PNMA6F: variants seen among roughly 807,000 people sequenced by gnomAD.
PNMA6F encodes the protein PNMA family member 6F.
For missense variants in PNMA6F, 57 were observed against 10.8 expected, an observed-to-expected ratio of 5.25 and a Z score of -5.98; for synonymous variants, 14 against 3.4, an observed-to-expected ratio of 4.15 and a Z score of -3.45.
chrX:153,321,601 T>C lies in PNMA6F; in HGVS notation c.-133A>G, dbSNP rs2088369866. The C allele has an allele frequency of 9.4e-6, 1 of 106,659 alleles. No homozygotes were observed. The highest frequency in any genetic ancestry group is 9.9e-5 in the Admixed American group (1 of 10,053). The allele number at this position is 106,659 out of a possible 1,213,427, so 8.8% of individuals were successfully genotyped here. ...GACCACCCGCGGAAAAACGCCGCCTTCAAGCTGTGGAGCCCACTCTGGAGG... is the reference window on the plus strand; with the variant it reads ...GACCACCCGCGGAAAAACGCCGCCTCCAAGCTGTGGAGCCCACTCTGGAGG... On this transcript the variant is annotated 5_prime_UTR_variant, in exon 1 of 2. Transcript: ENST00000436629.
At position 153,320,712 on chromosome X, in the gene PNMA6F, T is replaced by C. The variant is rs6526179; in HGVS notation, c.-38A>G. On this transcript the variant is annotated 5_prime_UTR_variant, in exon 2 of 2. Coordinates refer to ENST00000436629, the MANE Select transcript of PNMA6F (RefSeq NM_001354980.2). ...CGCAGAGGACTTGAGGGAGGGAGCC[T>C]GATCAGACAGGAATGTGTGCTGACT... 206 of 295,780 alleles carry C rather than the reference T, an allele frequency of 7.0e-4. 1 individual carries two copies. The highest frequency in any genetic ancestry group is 5.4e-3 in the African/African-American group (196 of 36,366). The allele number at this position is 295,780 out of a possible 1,213,427, so 24.4% of individuals were successfully genotyped here. A position where few individuals can be genotyped will look rare whatever the true frequency, so the allele number is the denominator to read the frequency against.
Position 153,318,017 on chromosome X carries a change from A to G in PNMA6F, c.*921T>C, listed in dbSNP as rs1174424871. ...CTATAGCCCTCACAGGACACTGAAAACACAGCAGGGAACACCCCCCCAAGT... is the reference window on the plus strand; with the variant it reads ...CTATAGCCCTCACAGGACACTGAAAGCACAGCAGGGAACACCCCCCCAAGT... On this transcript the variant is annotated 3_prime_UTR_variant, in exon 2 of 2. Coordinates refer to ENST00000436629, the MANE Select transcript of PNMA6F (RefSeq NM_001354980.2). 1 of 116,709 alleles carries G rather than the reference A, an allele frequency of 8.6e-6. No individual in the cohort carries two copies. Among genetic ancestry groups the G allele is most frequent in the Non-Finnish European group, 1.9e-5 (1 of 52,985 alleles). 9.6% of individuals were successfully genotyped at this position (116,709 alleles called of 1,213,427 possible). A position where few individuals can be genotyped will look rare whatever the true frequency, so the allele number is the denominator to read the frequency against.
In PNMA6F at chrX:153,318,115, A is replaced by G. The variant is rs1336679990; in HGVS notation, c.*823T>C. ...CAAAGCTCCCCGGGGAGCCTCAGGC[A>G]GGGCAGCTCTGCTCTGTCCCAGGTC... On this transcript the variant is annotated 3_prime_UTR_variant, in exon 2 of 2. Transcript: ENST00000436629. 1 of 116,913 alleles carries G rather than the reference A, an allele frequency of 8.6e-6. No individual in the cohort carries two copies. The highest frequency in any genetic ancestry group is 1.9e-5 in the Non-Finnish European group (1 of 53,080). 9.6% of individuals were successfully genotyped at this position (116,913 alleles called of 1,213,427 possible).
At chrX:153,321,484 G>A (rs1041757476) in intron 1 of PNMA6F, 68 bp downstream of exon 1, 2 of 99,143 alleles carry the variant, frequency 2.0e-5, no homozygotes, top group African/African-American at 7.5e-5. Flanking sequence ...GCCCACTGCG[G>A]AGGCAGCGAT....
rs1225461669 is a variant in PNMA6F at position 153,319,625 on chromosome X, G to C, written c.1050C>G (p.Pro350=). The change falls in exon 2 of 2, where the codon CCC becomes CCG. Residue 350 remains proline, a synonymous_variant. Coordinates refer to ENST00000436629, the MANE Select transcript of PNMA6F (RefSeq NM_001354980.2). Reference sequence around the variant, plus strand: ...CCACGAAGGCAAACAGCCCCTCCTGGGGCCCCTGCGTGCAGGTCAGGAACT... The same window carrying C: ...CCACGAAGGCAAACAGCCCCTCCTGCGGCCCCTGCGTGCAGGTCAGGAACT... The part of the protein sequence containing the change: ...RMKFLTCTQG[P]QEGLFAFVVR... 6.7e-6 allele frequency: 2 copies of C among 297,136 alleles called. No homozygotes were observed. Among genetic ancestry groups the C allele is most frequent in the Admixed American group, 1.2e-4 (2 of 16,491 alleles). The allele number at this position is 297,136 out of a possible 1,213,427, so 24.5% of individuals were successfully genotyped here.
rs1298060065 is a variant in PNMA6F, at chrX:153,320,259, C to T, written c.416G>A (p.Arg139Lys). 3.7e-5 allele frequency: 12 copies of T among 328,520 alleles called. No individual in the cohort carries two copies. The highest frequency in any genetic ancestry group is 5.7e-5 in the Non-Finnish European group (11 of 191,656). 27.1% of individuals were successfully genotyped at this position (328,520 alleles called of 1,213,427 possible). A position where few individuals can be genotyped will look rare whatever the true frequency, so the allele number is the denominator to read the frequency against. ...VGEAGGVNEE[R>K]SAGEDEAGGI... is the part of the protein sequence containing the mutation. ...TCCTGCCTCATCTTCACCTGCAGATCTTTCCTCATTCACACCTCCTGCCTC... is the reference window on the plus strand; with the variant it reads ...TCCTGCCTCATCTTCACCTGCAGATTTTTCCTCATTCACACCTCCTGCCTC... Residue 139 changes from arginine to lysine, a missense_variant, in exon 2 of 2, where the codon AGA becomes AAA. Arg to Lys is a conservative substitution (Grantham distance 26). Coordinates refer to ENST00000436629, the MANE Select transcript of PNMA6F (RefSeq NM_001354980.2).
rs1222060844 is a variant in PNMA6F at position 153,318,626 on chromosome X, CTT to C, written c.*310_*311del. 2.2e-5 allele frequency: 4 copies of C among 182,339 alleles called. No individual in the cohort carries two copies. Among genetic ancestry groups the C allele is most frequent in the African/African-American group, 1.2e-4 (4 of 33,868 alleles). 15.0% of individuals were successfully genotyped at this position (182,339 alleles called of 1,213,427 possible). ...CAGGGATGGCAAGTGGGGGCCACCT[CTT>C]GGGACATGTAGGCAGCTGTCACCCT... On this transcript the variant is annotated 3_prime_UTR_variant, in exon 2 of 2. Coordinates refer to ENST00000436629, the MANE Select transcript of PNMA6F (RefSeq NM_001354980.2).
In PNMA6F at chrX:153,318,884, T is replaced by C. The variant is rs1227494087; in HGVS notation, c.*54A>G. 6.7e-6 allele frequency: 2 copies of C among 298,264 alleles called. No homozygotes were observed. Among genetic ancestry groups the C allele is most frequent in the African/African-American group, 5.4e-5 (2 of 37,016 alleles). The allele number at this position is 298,264 out of a possible 1,213,427, so 24.6% of individuals were successfully genotyped here. A position where few individuals can be genotyped will look rare whatever the true frequency, so the allele number is the denominator to read the frequency against. On this transcript the variant is annotated 3_prime_UTR_variant, in exon 2 of 2. Coordinates refer to ENST00000436629, the MANE Select transcript of PNMA6F (RefSeq NM_001354980.2). ...GACCGGCCCTGGCCTGGCCTCTGTCTGCCTCCAGGGTGCTGCTGCCTGAGA... is the reference window on the plus strand; with the variant it reads ...GACCGGCCCTGGCCTGGCCTCTGTCCGCCTCCAGGGTGCTGCTGCCTGAGA...
Position 153,318,037 on chromosome X carries a change from C to T in PNMA6F, c.*901G>A, listed in dbSNP as rs782239801. ...TGAAAACACAGCAGGGAACACCCCC[C>T]CAAGTCAAGGAAACTGAGTCACAAG... On this transcript the variant is annotated 3_prime_UTR_variant, in exon 2 of 2. Transcript: ENST00000436629. 1 of 116,989 alleles carries T rather than the reference C, an allele frequency of 8.5e-6. No homozygotes were observed. The highest frequency in any genetic ancestry group is 1.9e-5 in the Non-Finnish European group (1 of 53,164). The allele number at this position is 116,989 out of a possible 1,213,427, so 9.6% of individuals were successfully genotyped here.
chrX:153,318,200 C>T lies in PNMA6F; in HGVS notation c.*738G>A, dbSNP rs2051968845. On this transcript the variant is annotated 3_prime_UTR_variant, in exon 2 of 2. Transcript: ENST00000436629. ...GGTCACGGGCACCATCGTGGTCATG[C>T]TCACCATAGCAGTCACAGGATGAGC... is the stretch of plus-strand genomic sequence containing the variant. 1.7e-5 allele frequency: 2 copies of T among 118,324 alleles called. No individual in the cohort carries two copies. Among genetic ancestry groups the T allele is most frequent in the Non-Finnish European group, 3.8e-5 (2 of 53,202 alleles). The allele number at this position is 118,324 out of a possible 1,213,427, so 9.8% of individuals were successfully genotyped here.
chrX:153,318,193 G>T lies in PNMA6F; in HGVS notation c.*745C>A. The T allele has an allele frequency of 8.4e-6, 1 of 119,506 alleles. No homozygotes were observed. The allele number at this position is 119,506 out of a possible 1,213,427, so 9.8% of individuals were successfully genotyped here. ...CCATCATGGTCACGGGCACCATCGT[G>T]GTCATGCTCACCATAGCAGTCACAG... On this transcript the variant is annotated 3_prime_UTR_variant, in exon 2 of 2. Coordinates refer to ENST00000436629, the MANE Select transcript of PNMA6F (RefSeq NM_001354980.2).
Position 153,320,068 on chromosome X carries a change from C to T in PNMA6F, c.607G>A (p.Ala203Thr), listed in dbSNP as rs2051985749. ...EEGGTGEEGG[A>T]GEAGGAGEEG... ...TCACCTGCGCCTCCTGCCTCACCTG[C>T]ACCTCCTTCCTCACCTGTACCTCCT... The change falls in exon 2 of 2, where the codon GCA becomes ACA. Residue 203 changes from alanine to threonine, a missense_variant. Coordinates refer to ENST00000436629, the MANE Select transcript of PNMA6F (RefSeq NM_001354980.2). 2.8e-6 allele frequency: 1 copy of T among 362,976 alleles called. No homozygotes were observed. The highest frequency in any genetic ancestry group is 4.7e-6 in the Non-Finnish European group (1 of 213,369). 29.9% of individuals were successfully genotyped at this position (362,976 alleles called of 1,213,427 possible). A position where few individuals can be genotyped will look rare whatever the true frequency, so the allele number is the denominator to read the frequency against.
At position 153,320,040 on chromosome X, in the gene PNMA6F, T is replaced by TCCTCACCTGCGCCTCCTG. The variant is rs1271997806; in HGVS notation, c.617_634dup (p.Ala206_Glu211dup). ...AGCTCCTGCCTCATCTTCACCTCCTTCCTCACCTGCGCCTCCTGCCTCACC... is the reference window on the plus strand; with the variant it reads ...AGCTCCTGCCTCATCTTCACCTCCTTCCTCACCTGCGCCTCCTGCCTCACCTGCGCCTCCTGCCTCACC... On this transcript the variant is annotated inframe_insertion, in exon 2 of 2. Coordinates refer to ENST00000436629, the MANE Select transcript of PNMA6F (RefSeq NM_001354980.2). The TCCTCACCTGCGCCTCCTG allele has an allele frequency of 1.5e-5, 5 of 338,632 alleles. No homozygotes were observed. Among genetic ancestry groups the TCCTCACCTGCGCCTCCTG allele is most frequent in the Non-Finnish European group, 2.5e-5 (5 of 201,100 alleles). 27.9% of individuals were successfully genotyped at this position (338,632 alleles called of 1,213,427 possible). A position where few individuals can be genotyped will look rare whatever the true frequency, so the allele number is the denominator to read the frequency against.
Position 153,318,004 on chromosome X carries a change from C to G in PNMA6F, c.*934G>C. The G allele has an allele frequency of 8.6e-6, 1 of 116,918 alleles. No homozygotes were observed. Among genetic ancestry groups the G allele is most frequent in the Middle Eastern group, 4.6e-3 (1 of 219 alleles). 9.6% of individuals were successfully genotyped at this position (116,918 alleles called of 1,213,427 possible). On this transcript the variant is annotated 3_prime_UTR_variant, in exon 2 of 2. Coordinates refer to ENST00000436629, the MANE Select transcript of PNMA6F (RefSeq NM_001354980.2). The stretch of plus-strand genomic sequence containing the variant: ...GCAGGGCCCTGCCCTATAGCCCTCA[C>G]AGGACACTGAAAACACAGCAGGGAA...
Position 153,319,065 on chromosome X carries a change from TG to T in PNMA6F, c.1609del (p.Gln537ArgfsTer19). 1 of 307,181 alleles carries T rather than the reference TG, an allele frequency of 3.3e-6. No homozygotes were observed. 25.3% of individuals were successfully genotyped at this position (307,181 alleles called of 1,213,427 possible). A position where few individuals can be genotyped will look rare whatever the true frequency, so the allele number is the denominator to read the frequency against. ...CTCCTCAGCCTCCTGGCCTCCAACC[TG>T]GACAAGGCCCTCTGGCTCCCAGCTG... ...GPSWEPEGLVQVGGQEAEEPP... is the reference protein window; with the variant it reads ...GPSWEPEGLVXVGGQEAEEPP... On this transcript the variant is annotated frameshift_variant, in exon 2 of 2. Transcript: ENST00000436629. LOFTEE classifies it low-confidence loss of function (END_TRUNC).
intron 1 of PNMA6F, 103 bp from the exon 2 acceptor site, chrX:153,320,860 C>T: frequency 3.6e-6 from 1 of 279,724 alleles, no homozygotes; most frequent in Non-Finnish European, 6.2e-6. Context: ...AGCCAGGGAT[C>T]CATTCCCTCC....
In PNMA6F at chrX:153,320,650, T is replaced by C. The variant is rs141650041; in HGVS notation, c.25A>G (p.Met9Val). ...AGAGAGCGCTCTGCGTTCACACCCATCCTCCTGCACCAGTCCTGAAGCATC... is the reference window on the plus strand; with the variant it reads ...AGAGAGCGCTCTGCGTTCACACCCACCCTCCTGCACCAGTCCTGAAGCATC... Reference protein sequence around the residue: MLQDWCRRMGVNAERSLLI... With the variant: MLQDWCRRVGVNAERSLLI... Residue 9 changes from methionine (M) to valine (V), a missense_variant, in exon 2 of 2, where the codon ATG (methionine) becomes GTG (valine). Met to Val is a conservative substitution (Grantham distance 21, BLOSUM62 1). Coordinates refer to ENST00000436629, the MANE Select transcript of PNMA6F (RefSeq NM_001354980.2). 1.8e-3 allele frequency: 524 copies of C among 295,520 alleles called. No homozygotes were observed. The highest frequency in any genetic ancestry group is 2.1e-3 in the Non-Finnish European group (359 of 169,963). The allele number at this position is 295,520 out of a possible 1,213,427, so 24.4% of individuals were successfully genotyped here.
rs1276340747 is a variant in PNMA6F at position 153,320,633 on chromosome X, C to G, written c.42G>C (p.Glu14Asp). Residue 14 changes from glutamate to aspartate, a missense_variant, in exon 2 of 2, where the codon GAG becomes GAC. By Grantham distance (45) the Glu-to-Asp change is conservative (BLOSUM62 2). Coordinates refer to ENST00000436629, the MANE Select transcript of PNMA6F (RefSeq NM_001354980.2). Reference sequence around the variant, plus strand: ...GGATATCCAGGATGAGCAGAGAGCGCTCTGCGTTCACACCCATCCTCCTGC... The same window carrying G: ...GGATATCCAGGATGAGCAGAGAGCGGTCTGCGTTCACACCCATCCTCCTGC... Reference protein sequence around the residue: ...DWCRRMGVNAERSLLILDIPD... With the variant: ...DWCRRMGVNADRSLLILDIPD... 7 of 297,765 alleles carry G rather than the reference C, an allele frequency of 2.4e-5. No individual in the cohort carries two copies. The highest frequency in any genetic ancestry group is 4.1e-5 in the Non-Finnish European group (7 of 170,470). 24.5% of individuals were successfully genotyped at this position (297,765 alleles called of 1,213,427 possible). A position where few individuals can be genotyped will look rare whatever the true frequency, so the allele number is the denominator to read the frequency against.
In PNMA6F at chrX:153,320,117, A is replaced by G. The variant is rs1249185184; in HGVS notation, c.558T>C (p.Gly186=). 2 of 358,931 alleles carry G rather than the reference A, an allele frequency of 5.6e-6. No homozygotes were observed. Among genetic ancestry groups the G allele is most frequent in the Non-Finnish European group, 9.4e-6 (2 of 211,957 alleles). 29.6% of individuals were successfully genotyped at this position (358,931 alleles called of 1,213,427 possible). A position where few individuals can be genotyped will look rare whatever the true frequency, so the allele number is the denominator to read the frequency against. ...AGGAGEAGGA[G]EAGGAGEEGG... ...CTTCCTCACCTGCACCTCCTGCCTC[A>G]CCTGCACCTCCTGCCTCACCTGCAC... Residue 186 remains glycine (G), a synonymous_variant, in exon 2 of 2, where the codon GGT becomes GGC. Coordinates refer to ENST00000436629, the MANE Select transcript of PNMA6F (RefSeq NM_001354980.2).
Sources: gnomAD v4.1 joint callset for allele counts on GRCh38, gnomAD v4.1.1 for gene constraint, MANE v1.5 for transcripts, NCBI Gene and HGNC (gene_info 2026-07-23, HGNC 2026-07-21) for gene names.